KALRN: variants seen among roughly 807,000 people sequenced by gnomAD.
KALRN encodes the protein kalirin.
In KALRN, 70 loss-of-function variants were observed where a neutral mutation model predicts 353.7. The observed-to-expected ratio is 0.20, with a 90% confidence interval of 0.16 to 0.24. The LOEUF (loss-of-function observed/expected upper bound fraction) is 0.24, where lower values mean the gene tolerates loss of function less well. Among genes scored for constraint, KALRN ranks in the 10% least tolerant of loss-of-function variants. The pLI is 1.00. For synonymous variants in KALRN, 1,391 were observed against 1,434.8 expected (o/e 0.97, Z 0.69); for missense variants, 2,791 against 3,756.7 (o/e 0.74, Z 6.72).
intron 34 of KALRN, among the ~76,000 whole-genome samples, chr3:124,623,391 T>TA (rs1491535168): frequency 8.4e-4 from 62 of 73,826 alleles, no homozygotes; most frequent in African/African-American, 5.1e-3. Context: ...TATATATATA[T>TA]TTATTTATAC....
At chr3:124,093,497 G>A (rs777886314) in intron 1 of KALRN, among the ~76,000 whole-genome samples, 5 of 152,266 alleles carry the variant, frequency 3.3e-5, no homozygotes, top group Non-Finnish European at 5.9e-5. Flanking sequence ...CTGGCCCACT[G>A]TAAGAGGGGC....
chr3:124,136,718 G>A (rs2065962640), intron 1 of KALRN, among the ~76,000 whole-genome samples: 2 of 152,186 alleles, frequency 1.3e-5, no homozygotes, highest in Non-Finnish European at 2.9e-5. Context: ...ATTTTGGGTA[G>A]AGGTTTGAGG....
At chr3:124,317,850 C>T (rs1460133606) in intron 6 of KALRN, among the ~76,000 whole-genome samples, 1 of 151,996 alleles carries the variant, frequency 6.6e-6, no homozygotes, top group African/African-American at 2.4e-5. Context: ...TACATCCTAA[C>T]CCAGAAAAGC....
intron 44 of KALRN, among the ~76,000 whole-genome samples, chr3:124,661,486 G>A (rs1472657249): frequency 6.6e-6 from 1 of 152,230 alleles, no homozygotes; most frequent in African/African-American, 2.4e-5. Flanking sequence ...AAAACCTCTA[G>A]TGTTTCACAA....
At chr3:124,057,808 T>C (rs915680525) in intron 1 of KALRN, among the ~76,000 whole-genome samples, 18 of 152,196 alleles carry the variant, frequency 1.2e-4, no homozygotes, top group African/African-American at 4.3e-4. Context: ...AGACTGCAAG[T>C]ATCCAGGTTT....
intron 33 of KALRN, among the ~76,000 whole-genome samples, chr3:124,545,552 T>C (rs1326121036): frequency 1.3e-5 from 2 of 152,230 alleles, no homozygotes; most frequent in Non-Finnish European, 2.9e-5. Flanking sequence ...ATGACTGTCC[T>C]AGAGCCCAGG....
At chr3:124,479,295 G>A (rs1351444827) in intron 27 of KALRN, among the ~76,000 whole-genome samples, 1 of 152,196 alleles carries the variant, frequency 6.6e-6, no homozygotes, top group East Asian at 1.9e-4. Flanking sequence ...ACATTAGTTG[G>A]AAAGACTGAT....
intron 57 of KALRN, among the ~76,000 whole-genome samples, chr3:124,710,658 A>G (rs2062845586): frequency 6.6e-6 from 1 of 152,128 alleles, no homozygotes. Flanking sequence ...GTATGGTGGT[A>G]CACGCCTATA....
At chr3:124,102,545 A>T (rs1217404126) in intron 1 of KALRN, among the ~76,000 whole-genome samples, 1 of 152,130 alleles carries the variant, frequency 6.6e-6, no homozygotes, top group Non-Finnish European at 1.5e-5. Context: ...ATACCTCAGG[A>T]GGTTGTTGTG....
chr3:124,341,316 A>G (rs1320145974), intron 9 of KALRN, among the ~76,000 whole-genome samples: 1 of 152,244 alleles, frequency 6.6e-6, no homozygotes, highest in African/African-American at 2.4e-5. Context: ...CCTAGTGATG[A>G]CATTCCTGAA....
intron 32 of KALRN, among the ~76,000 whole-genome samples, chr3:124,495,996 T>TATATATACAC (rs2063768005): frequency 3.5e-5 from 2 of 57,450 alleles, no homozygotes; most frequent in African/African-American, 1.8e-4. Flanking sequence ...TATATATATA[T>TATATATACAC]ATATATATAT....
At chr3:124,148,212 G>C (rs1399695865) in intron 1 of KALRN, among the ~76,000 whole-genome samples, 1 of 152,042 alleles carries the variant, frequency 6.6e-6, no homozygotes, top group Non-Finnish European at 1.5e-5. Context: ...TGCATTTTTT[G>C]TTTTTAGTAC....
chr3:124,609,913 G>A (rs1242454845), intron 34 of KALRN, among the ~76,000 whole-genome samples: 1 of 129,144 alleles, frequency 7.7e-6, no homozygotes, highest in East Asian at 2.4e-4. Flanking sequence ...AAATCCCAAG[G>A]TCACCTCACT....
At chr3:124,167,216 GA>G (rs1302698352) in intron 1 of KALRN, among the ~76,000 whole-genome samples, 1 of 152,158 alleles carries the variant, frequency 6.6e-6, no homozygotes, top group African/African-American at 2.4e-5. Context: ...CTTTACTGCT[GA>G]CCTGTGGCTC....
chr3:124,424,608 G>A (rs1419605314), intron 15 of KALRN, among the ~76,000 whole-genome samples: 5 of 152,128 alleles, frequency 3.3e-5, no homozygotes, highest in African/African-American at 9.7e-5. Flanking sequence ...CCGGGTTACA[G>A]TGCTGCCCTC....
chr3:124,342,993 T>C (rs1296095018), intron 9 of KALRN, among the ~76,000 whole-genome samples: 2 of 152,126 alleles, frequency 1.3e-5, no homozygotes, highest in Non-Finnish European at 1.5e-5. Context: ...ATCTCCCCCA[T>C]AGCCAATTAC....
At chr3:124,316,255 T>A (rs1299787931) in intron 6 of KALRN, among the ~76,000 whole-genome samples, 1 of 152,154 alleles carries the variant, frequency 6.6e-6, no homozygotes, top group Non-Finnish European at 1.5e-5. Context: ...CTGTAGTAGC[T>A]CCTACCTGGT....
chr3:124,717,035 G>A (rs2063162818), intron 58 of KALRN, among the ~76,000 whole-genome samples: 1 of 152,122 alleles, frequency 6.6e-6, no homozygotes, highest in African/African-American at 2.4e-5. Context: ...CACACTCCCT[G>A]CAGTATACCA....
Position 124,474,440 on chromosome 3 carries a change from G to T in KALRN, c.4032-223G>T, listed in dbSNP as rs572066550. Among the ~76,000 whole-genome samples, 412 of 89,802 alleles carry T rather than the reference G, an allele frequency of 4.6e-3. 4 individuals are homozygous for T. The highest frequency in any genetic ancestry group is 0.027 in the African/African-American group (393 of 14,436). The allele number at this position is 89,802 out of a possible 152,430, so 58.9% of individuals were successfully genotyped here. The stretch of plus-strand genomic sequence containing the variant: ...TTTCACTTCTAGAAGTGTTCACTCC[G>T]AGAGAAAGAATATTATTTTAAGTAG... On this transcript the variant is annotated intron_variant, in intron 25 of 59. Coordinates refer to ENST00000682506, the MANE Select transcript of KALRN (RefSeq NM_001388419.1).
Sources: gnomAD v4.1 joint callset for allele counts (sites outside exome capture counted in the v4.1 genomes callset) on GRCh38, gnomAD v4.1.1 for gene constraint, MANE v1.5 for transcripts, NCBI Gene and HGNC (gene_info 2026-07-23, HGNC 2026-07-21) for gene names.